FMN1: variants seen among roughly 807,000 people sequenced by gnomAD.
FMN1 encodes formin 1.
In FMN1, 110 loss-of-function variants were observed where a neutral mutation model predicts 132.4. The ratio of observed to expected loss-of-function variants is 0.83; its 90% CI spans 0.71 to 0.97. The LOEUF is 0.97. Among genes scored for constraint, FMN1 ranks in the 50% least tolerant of loss-of-function variants. The probability of loss-of-function intolerance (pLI) is 0.00; values close to 1 mark genes in which losing one functional copy is unlikely to be tolerated. For synonymous variants in FMN1, 722 were observed against 651.7 expected, an observed-to-expected ratio of 1.11 and a Z score of -1.64; for missense variants, 1,792 against 1,705.3, an observed-to-expected ratio of 1.05 and a Z score of -0.90.
chr15:32,940,851 C>A (rs1017910115), intron 9 of FMN1, among the ~76,000 whole-genome samples: 1 of 152,142 alleles, frequency 6.6e-6, no homozygotes, highest in African/African-American at 2.4e-5. Context: ...TTCTTCCGGG[C>A]ATTAAGACCC....
intron 16 of FMN1, among the ~76,000 whole-genome samples, chr15:32,867,091 T>C (rs1035796793): frequency 1.3e-5 from 2 of 152,218 alleles, no homozygotes; most frequent in African/African-American, 4.8e-5. Context: ...TTTCACCTCC[T>C]ACGGAACTCC....
At chr15:32,999,311 G>T (rs1315610539) in intron 7 of FMN1, among the ~76,000 whole-genome samples, 2 of 152,172 alleles carry the variant, frequency 1.3e-5, no homozygotes, top group Non-Finnish European at 2.9e-5. Flanking sequence ...TGGGATTTAT[G>T]CCTTTATAAA....
At chr15:32,863,298 G>A (rs922809116) in intron 16 of FMN1, among the ~76,000 whole-genome samples, 3 of 152,186 alleles carry the variant, frequency 2.0e-5, no homozygotes, top group East Asian at 3.9e-4. Context: ...TTAGCTGGGC[G>A]TGGTGGCGGG....
Position 32,947,083 on chromosome 15 carries a change from T to C in FMN1, c.3138+17024A>G, listed in dbSNP as rs534981529. ...TAATGTAGTCACATTTCATTATTTG[T>C]TTTGTGCTTTCCATGTCTTTTCCGT... On this transcript the variant is annotated intron_variant, in intron 9 of 20. Coordinates refer to ENST00000616417, the MANE Select transcript of FMN1 (RefSeq NM_001277313.2). Among the ~76,000 whole-genome samples the C allele has an allele frequency of 6.6e-5, 10 of 152,288 alleles. No individual in the cohort carries two copies. The South Asian group carries it at 2.1e-3, about 32-fold the overall frequency.
At chr15:32,807,764 C>A (rs2057733634) in intron 17 of FMN1, among the ~76,000 whole-genome samples, 1 of 152,198 alleles carries the variant, frequency 6.6e-6, no homozygotes, top group African/African-American at 2.4e-5. Context: ...AGAGCCAATG[C>A]ACACTGCAGA....
intron 6 of FMN1, among the ~76,000 whole-genome samples, chr15:33,028,413 A>C: frequency 6.6e-6 from 1 of 152,214 alleles, no homozygotes; most frequent in South Asian, 2.1e-4. Context: ...GCTAATATAA[A>C]GGAACTGGGT....
chr15:33,127,116 A>G (rs948641006), intron 4 of FMN1, among the ~76,000 whole-genome samples: 5 of 152,228 alleles, frequency 3.3e-5, no homozygotes, highest in African/African-American at 1.2e-4. Context: ...TGAACGAGAT[A>G]GCATCCTGTT....
At chr15:32,897,894 G>C (rs1252050749) in intron 15 of FMN1, among the ~76,000 whole-genome samples, 7 of 152,176 alleles carry the variant, frequency 4.6e-5, no homozygotes, top group Non-Finnish European at 1.0e-4. Context: ...ACAGAGAGTA[G>C]CCAGAGAAGG....
intron 4 of FMN1, among the ~76,000 whole-genome samples, chr15:33,096,943 G>A (rs1443386920): frequency 1.3e-5 from 2 of 152,092 alleles, no homozygotes; most frequent in African/African-American, 4.8e-5. Flanking sequence ...GGTTGATAAT[G>A]TCCCATAGGT....
chr15:33,001,227 G>C (rs930587526), intron 7 of FMN1, among the ~76,000 whole-genome samples: 11 of 152,028 alleles, frequency 7.2e-5, no homozygotes, highest in African/African-American at 2.4e-4. Context: ...AGGTTGCAGT[G>C]AGCCGAGATC....
chr15:32,972,241 G>A (rs542770612), intron 7 of FMN1, among the ~76,000 whole-genome samples: 4 of 152,248 alleles, frequency 2.6e-5, no homozygotes, highest in Non-Finnish European at 4.4e-5. Context: ...CTCTGGGTAC[G>A]CTTCCCAGCC....
chr15:32,789,187 A>AT (rs1311698230), intron 19 of FMN1, among the ~76,000 whole-genome samples: 1 of 152,226 alleles, frequency 6.6e-6, no homozygotes, highest in Non-Finnish European at 1.5e-5. Flanking sequence ...AGACATTGTA[A>AT]TTATCTTCTA....
chr15:32,952,159 T>C (rs2061668399), intron 9 of FMN1, among the ~76,000 whole-genome samples: 1 of 152,120 alleles, frequency 6.6e-6, no homozygotes, highest in African/African-American at 2.4e-5. Flanking sequence ...TTCAGATACC[T>C]CCACACCCCA....
chr15:33,065,714 A>G (rs1324366659), intron 5 of FMN1, among the ~76,000 whole-genome samples: 1 of 152,232 alleles, frequency 6.6e-6, no homozygotes, highest in East Asian at 1.9e-4. Context: ...TTAAATATAT[A>G]GGAGGAATGA....
At chr15:32,849,703 C>A (rs1264665684) in intron 17 of FMN1, among the ~76,000 whole-genome samples, 1 of 152,006 alleles carries the variant, frequency 6.6e-6, no homozygotes, top group Non-Finnish European at 1.5e-5. Flanking sequence ...GTGGCCCAGG[C>A]TGCAGTGCAG....
chr15:33,065,902 A>G (rs752178701), intron 5 of FMN1, among the ~76,000 whole-genome samples: 2 of 152,202 alleles, frequency 1.3e-5, no homozygotes, highest in East Asian at 3.8e-4. Context: ...TTTAATTCTC[A>G]TAACAACCAT....
At chr15:32,858,582 A>G (rs2141299003) in intron 16 of FMN1, among the ~76,000 whole-genome samples, 1 of 152,314 alleles carries the variant, frequency 6.6e-6, no homozygotes, top group Admixed American at 6.5e-5. Flanking sequence ...GTTTTTATAG[A>G]GCTATCTAGA....
At chr15:33,092,877 A>G (rs1399846160) in intron 4 of FMN1, among the ~76,000 whole-genome samples, 4 of 152,224 alleles carry the variant, frequency 2.6e-5, no homozygotes, top group Non-Finnish European at 5.9e-5. Flanking sequence ...TATTCAATGC[A>G]CTGCAAGGAT....
intron 19 of FMN1, among the ~76,000 whole-genome samples, chr15:32,789,750 G>T (rs151313738): frequency 1.3e-5 from 2 of 152,048 alleles, no homozygotes; most frequent in Admixed American, 1.3e-4. Context: ...TCCATTCATG[G>T]TTAAGCGCCC....
Sources: allele counts gnomAD v4.1 joint callset (sites outside exome capture counted in the v4.1 genomes callset), GRCh38; gene constraint gnomAD v4.1.1; transcripts MANE v1.5; gene names NCBI Gene and HGNC (gene_info 2026-07-23, HGNC 2026-07-21).